The following TNN variants were observed in gnomAD, a reference collection of about 807,000 sequenced individuals.
TNN encodes tenascin-N.
In TNN, 122 loss-of-function variants were observed where a neutral mutation model predicts 134.4. The observed-to-expected ratio is 0.91, with a 90% CI of 0.78 to 1.06. The LOEUF is 1.06. Among genes scored for constraint, TNN ranks in the 50% least tolerant of loss-of-function variants. The pLI, the probability that TNN is intolerant of heterozygous loss-of-function variation, is 0.00. For synonymous variants in TNN, 710 were observed against 670.3 expected, an observed-to-expected ratio of 1.06 and a Z score of -0.91; for missense variants, 1,739 against 1,699.4, an observed-to-expected ratio of 1.02 and a Z score of -0.41.
intron 18 of TNN, among the ~76,000 whole-genome samples, chr1:175,146,203 T>C (rs991336480): frequency 6.6e-5 from 10 of 152,158 alleles, no homozygotes. Flanking sequence ...GGATAGGAGA[T>C]CAAATATTGG....
At chr1:175,118,144 G>A (rs971552718) in intron 10 of TNN, among the ~76,000 whole-genome samples, 2 of 152,304 alleles carry the variant, frequency 1.3e-5, no homozygotes, top group African/African-American at 2.4e-5. Flanking sequence ...GAATCTTCTA[G>A]TATGAAATGG....
Position 175,117,016 on chromosome 1 carries a change from G to T in TNN, c.2197G>T (p.Ala733Ser). Residue 733 changes from alanine to serine, a missense_variant, in exon 10 of 19, where the codon GCC (alanine) becomes TCC (serine). By Grantham distance (99) the Ala-to-Ser change is moderately conservative (BLOSUM62 1). Transcript: ENST00000239462. ...MATVSWDPVR[A>S]TIDRYVVRYT... ...CACTGTCTCCTGGGACCCGGTGCGG[G>T]CCACCATTGACAGGTATGTGGTGCG... The T allele has an allele frequency of 6.2e-7, 1 of 1,614,240 alleles. No individual in the cohort carries two copies. Among genetic ancestry groups the T allele is most frequent in the East Asian group, 2.2e-5 (1 of 44,890 alleles).
At chr1:175,132,783 C>T (rs1675707322) in intron 15 of TNN, among the ~76,000 whole-genome samples, 1 of 152,222 alleles carries the variant, frequency 6.6e-6, no homozygotes, top group African/African-American at 2.4e-5. Flanking sequence ...CTTCTGCATC[C>T]ATGGTGCCCC....
At chr1:175,126,004 C>T (rs1273622081) in intron 12 of TNN, among the ~76,000 whole-genome samples, 2 of 147,236 alleles carry the variant, frequency 1.4e-5, no homozygotes, top group East Asian at 2.0e-4. Context: ...GCACCTGTTC[C>T]CTTGCCTTCT....
At chr1:175,135,697 A>C in intron 15 of TNN, 148 bp from the exon 16 acceptor site, 1 of 628,218 alleles carries the variant, frequency 1.6e-6, no homozygotes, top group Non-Finnish European at 2.9e-6. Flanking sequence ...TAGTGAATCT[A>C]CTGACATATA....
At position 175,146,997 on chromosome 1, in the gene TNN, C is replaced by G; in HGVS notation, c.3826C>G (p.Pro1276Ala). 1 of 1,606,360 alleles carries G rather than the reference C, an allele frequency of 6.2e-7. No homozygotes were observed. The highest frequency in any genetic ancestry group is 8.5e-7 in the Non-Finnish European group (1 of 1,175,050). Residue 1276 changes from proline (P) to alanine (A), a missense_variant, in exon 19 of 19, where the codon CCT (proline) becomes GCT (alanine). By Grantham distance (27) the Pro-to-Ala change is conservative (BLOSUM62 -1). Coordinates refer to ENST00000239462, the MANE Select transcript of TNN (RefSeq NM_022093.2). ...SIPYVELKIR[P>A]HGYSREPVLG... ...TCCTTACGTGGAGTTGAAAATCCGC[C>G]CTCATGGCTACAGCAGGGAGCCTGT...
At chr1:175,118,200 G>C (rs530947764) in intron 10 of TNN, among the ~76,000 whole-genome samples, 2 of 152,232 alleles carry the variant, frequency 1.3e-5, no homozygotes, top group African/African-American at 4.8e-5. Flanking sequence ...GTTAGTTCCT[G>C]GTGAGCAGAG....
intron 6 of TNN, among the ~76,000 whole-genome samples, chr1:175,091,938 C>G (rs1674459787): frequency 6.6e-6 from 1 of 152,190 alleles, no homozygotes; most frequent in Non-Finnish European, 1.5e-5. Context: ...CACAAAGCCA[C>G]AGGCCTCTGC....
At chr1:175,134,544 C>A (rs1382953997) in intron 15 of TNN, among the ~76,000 whole-genome samples, 16 of 146,904 alleles carry the variant, frequency 1.1e-4, no homozygotes, top group South Asian at 2.1e-4. Context: ...GACTCCATCT[C>A]AAAAAACAAA....
chr1:175,100,467 C>T (rs766254802), intron 9 of TNN, among the ~76,000 whole-genome samples: 3 of 152,244 alleles, frequency 2.0e-5, no homozygotes, highest in Non-Finnish European at 4.4e-5. Context: ...ATCCCTTCTT[C>T]AAGTCCCACC....
intron 15 of TNN, among the ~76,000 whole-genome samples, chr1:175,134,480 G>T (rs1675748678): frequency 1.3e-5 from 2 of 151,382 alleles, no homozygotes; most frequent in East Asian, 1.9e-4. Context: ...GGGAGGCGGA[G>T]GTTGCAGTAA....
At chr1:175,120,544 C>G (rs534061353) in intron 11 of TNN, among the ~76,000 whole-genome samples, 1 of 152,300 alleles carries the variant, frequency 6.6e-6, no homozygotes, top group Non-Finnish European at 1.5e-5. Flanking sequence ...AGCAATTTGC[C>G]CTCCTTTACC....
chr1:175,112,901 G>A lies in TNN; in HGVS notation c.2120-4038G>A, dbSNP rs144413083. On this transcript the variant is annotated intron_variant, in intron 9 of 18. Coordinates refer to ENST00000239462, the MANE Select transcript of TNN (RefSeq NM_022093.2). ...ACCTCCCAAAGTGCTGGGATTACAG[G>A]CATGAGCCCTATGCCCGGCCTCAGC... Among the ~76,000 whole-genome samples, 118 of 152,140 alleles carry A rather than the reference G, an allele frequency of 7.8e-4. No homozygotes were observed. The Middle Eastern group carries it at 0.014, about 18-fold the overall frequency.
chr1:175,093,364 G>T (rs4408114), intron 6 of TNN, among the ~76,000 whole-genome samples: 42,994 of 152,116 alleles, frequency 0.28, 6,195 homozygotes, highest in South Asian at 0.33. Flanking sequence ...TTCTGGGTTA[G>T]TTCTTTTTGA....
At chr1:175,130,463 T>C (rs1430950330) in intron 15 of TNN, among the ~76,000 whole-genome samples, 3 of 152,234 alleles carry the variant, frequency 2.0e-5, no homozygotes, top group Non-Finnish European at 4.4e-5. Context: ...GGGCTGTACC[T>C]GCTGCTTTTC....
chr1:175,136,687 G>C (rs543803065), intron 16 of TNN, 134 bp from the exon 17 acceptor site: 410 of 776,486 alleles, frequency 5.3e-4, no homozygotes, highest in Non-Finnish European at 7.4e-4. Flanking sequence ...AGAAAGTGCT[G>C]AGACTGCCCC....
intron 12 of TNN, among the ~76,000 whole-genome samples, chr1:175,124,691 A>G (rs1291104832): frequency 4.7e-4 from 2 of 4,242 alleles, no homozygotes; most frequent in Admixed American, 2.6e-3. Context: ...TCAAAAGCAA[A>G]CAAACAAACA....
chr1:175,073,144 G>A (rs1375677228), intron 1 of TNN, among the ~76,000 whole-genome samples: 1 of 151,996 alleles, frequency 6.6e-6, no homozygotes, highest in Non-Finnish European at 1.5e-5. Flanking sequence ...AGATCAATAT[G>A]CGTTGTTACT....
intron 4 of TNN, 145 bp downstream of exon 4, chr1:175,080,571 TTCTC>T: frequency 9.9e-7 from 1 of 1,012,180 alleles, no homozygotes; most frequent in Non-Finnish European, 1.4e-6. Context: ...AGAGTCCCAG[TTCTC>T]TCTCTTCTTT....
Sources: gnomAD v4.1 joint callset for allele counts (sites outside exome capture counted in the v4.1 genomes callset) on GRCh38, gnomAD v4.1.1 for gene constraint, MANE v1.5 for transcripts, NCBI Gene and HGNC (gene_info 2026-07-23, HGNC 2026-07-21) for gene names.